Variants in INPP4B observed in about 807,000 individuals in gnomAD.
INPP4B encodes inositol polyphosphate-4-phosphatase type II B.
A neutral mutation model predicts 122.5 loss-of-function variants in INPP4B; 55 were observed. The ratio of observed to expected loss-of-function variants is 0.45; its 90% CI spans 0.36 to 0.56. The LOEUF (loss-of-function observed/expected upper bound fraction) is 0.56. Among genes scored for constraint, INPP4B ranks in the 20% least tolerant of loss-of-function variants. INPP4B has a pLI of 0.00. For synonymous variants in INPP4B, 403 were observed against 388.7 expected (o/e 1.04, Z -0.43); for missense variants, 1,000 against 1,097.7 (o/e 0.91, Z 1.26).
At chr4:142,555,258 CG>C (rs1487397255) in intron 2 of INPP4B, among the ~76,000 whole-genome samples, 1 of 152,128 alleles carries the variant, frequency 6.6e-6, no homozygotes, top group African/African-American at 2.4e-5. Flanking sequence ...ACAGGTCACT[CG>C]GGCACACTGT....
chr4:142,835,657 C>A (rs911252987), intron 1 of INPP4B, among the ~76,000 whole-genome samples: 1 of 152,110 alleles, frequency 6.6e-6, no homozygotes, highest in African/African-American at 2.4e-5. Flanking sequence ...TCACACTGAG[C>A]AATGTTTGCT....
At chr4:142,070,147 T>A (rs1352694293) in intron 25 of INPP4B, among the ~76,000 whole-genome samples, 1 of 152,196 alleles carries the variant, frequency 6.6e-6, no homozygotes, top group Non-Finnish European at 1.5e-5. Context: ...CATGATCAAC[T>A]TGGCTTCATC....
At chr4:142,143,875 T>C (rs1332401105) in intron 18 of INPP4B, among the ~76,000 whole-genome samples, 3 of 152,168 alleles carry the variant, frequency 2.0e-5, no homozygotes, top group Non-Finnish European at 4.4e-5. Flanking sequence ...TGAGGAAATA[T>C]TCAGACAAAA....
intron 5 of INPP4B, chr4:142,426,797 G>T (rs1808166945): frequency 6.6e-6 from 1 of 151,898 alleles, no homozygotes. Context: ...GATTGGTGTG[G>T]CTGTTTTCCT....
chr4:142,536,602 G>A (rs1461123857), intron 2 of INPP4B, among the ~76,000 whole-genome samples: 1 of 152,108 alleles, frequency 6.6e-6, no homozygotes, highest in African/African-American at 2.4e-5. Flanking sequence ...TAGAGCTGAA[G>A]TTGTCTCTTC....
intron 12 of INPP4B, among the ~76,000 whole-genome samples, chr4:142,229,068 T>A (rs978896265): frequency 6.6e-6 from 1 of 151,744 alleles, no homozygotes; most frequent in Non-Finnish European, 1.5e-5. Context: ...TAATTTCACT[T>A]ATTGTATTTA....
At chr4:142,116,975 G>A (rs998803115) in intron 21 of INPP4B, among the ~76,000 whole-genome samples, 4 of 151,934 alleles carry the variant, frequency 2.6e-5, no homozygotes, top group Non-Finnish European at 5.9e-5. Flanking sequence ...AATGATAAAG[G>A]GGATATCACT....
chr4:142,841,685 T>C (rs1783512058), intron 1 of INPP4B, among the ~76,000 whole-genome samples: 1 of 151,892 alleles, frequency 6.6e-6, no homozygotes, highest in African/African-American at 2.4e-5. Context: ...GAAGTTCTCC[T>C]TCAAAGCTAT....
chr4:142,824,130 C>T (rs1444610921), intron 1 of INPP4B, among the ~76,000 whole-genome samples: 1 of 152,044 alleles, frequency 6.6e-6, no homozygotes, highest in Non-Finnish European at 1.5e-5. Context: ...CCATGGCCCC[C>T]CCAGGTTCTC....
At chr4:142,209,511 G>A (rs1425110608) in intron 12 of INPP4B, among the ~76,000 whole-genome samples, 1 of 151,658 alleles carries the variant, frequency 6.6e-6, no homozygotes, top group Non-Finnish European at 1.5e-5. Context: ...ACAAAAGCCC[G>A]GCCGGGCACG....
intron 2 of INPP4B, among the ~76,000 whole-genome samples, chr4:142,715,966 T>G (rs1763703542): frequency 6.6e-6 from 1 of 152,186 alleles, no homozygotes; most frequent in Admixed American, 6.5e-5. Flanking sequence ...AAATGGTTAC[T>G]CCATTAGGCC....
At chr4:142,399,822 T>C (rs1344006126) in intron 7 of INPP4B, among the ~76,000 whole-genome samples, 34 of 152,216 alleles carry the variant, frequency 2.2e-4, no homozygotes, top group Non-Finnish European at 1.8e-4. Context: ...CTAATACTAA[T>C]ACATAAAGAC....
At chr4:142,768,125 T>A (rs1772438553) in intron 1 of INPP4B, among the ~76,000 whole-genome samples, 1 of 152,158 alleles carries the variant, frequency 6.6e-6, no homozygotes, top group African/African-American at 2.4e-5. Context: ...ATAAAGTAAT[T>A]CATGTAAAGT....
intron 2 of INPP4B, among the ~76,000 whole-genome samples, chr4:142,528,774 C>A (rs1269668624): frequency 6.6e-6 from 1 of 151,986 alleles, no homozygotes; most frequent in Non-Finnish European, 1.5e-5. Context: ...CTTATTTAAA[C>A]CTGTTTTTAC....
chr4:142,487,638 G>A (rs1018503524), intron 2 of INPP4B, among the ~76,000 whole-genome samples: 1 of 152,078 alleles, frequency 6.6e-6, no homozygotes, highest in African/African-American at 2.4e-5. Flanking sequence ...AGTTTTCACT[G>A]TAGAAATCTT....
chr4:142,377,251 T>C (rs752900766), intron 7 of INPP4B, among the ~76,000 whole-genome samples: 2 of 151,796 alleles, frequency 1.3e-5, no homozygotes, highest in Non-Finnish European at 1.5e-5. Flanking sequence ...TTCAGGCTAG[T>C]GAAGAAACAT....
intron 2 of INPP4B, among the ~76,000 whole-genome samples, chr4:142,702,874 T>C (rs2150765070): frequency 6.6e-6 from 1 of 152,258 alleles, no homozygotes; most frequent in Non-Finnish European, 1.5e-5. Context: ...GCTGACTACA[T>C]CTGAAGTTAG....
intron 2 of INPP4B, among the ~76,000 whole-genome samples, chr4:142,607,766 T>C (rs116064986): frequency 3.3e-4 from 50 of 152,224 alleles, no homozygotes; most frequent in East Asian, 2.5e-3. Flanking sequence ...TATACTTTTT[T>C]AAAAAAGAAG....
At chr4:142,524,821 C>G (rs1409034644) in intron 2 of INPP4B, among the ~76,000 whole-genome samples, 1 of 151,294 alleles carries the variant, frequency 6.6e-6, no homozygotes, top group Non-Finnish European at 1.5e-5. Context: ...CCTTTGAAAA[C>G]TGGCACAAGA....
Sources: gnomAD v4.1 joint callset for allele counts (sites outside exome capture counted in the v4.1 genomes callset) on GRCh38, gnomAD v4.1.1 for gene constraint, MANE v1.5 for transcripts, NCBI Gene and HGNC (gene_info 2026-07-23, HGNC 2026-07-21) for gene names.